RAD51B: variants seen among roughly 807,000 people sequenced by gnomAD.
RAD51B encodes RAD51 paralog B.
Under a neutral mutation model 42.2 loss-of-function variants are expected in RAD51B, and 38 were observed. The observed-to-expected ratio is 0.90, with a 90% CI of 0.70 to 1.18. The LOEUF (loss-of-function observed/expected upper bound fraction) is 1.18, where lower values mean the gene tolerates loss of function less well. Among genes scored for constraint, RAD51B ranks in the 50% most tolerant of loss-of-function variants. The probability of loss-of-function intolerance (pLI) is 0.00; values close to 1 mark genes in which losing one functional copy is unlikely to be tolerated. For synonymous variants in RAD51B, 154 were observed against 145.2 expected (o/e 1.06, Z -0.43); for missense variants, 373 against 400.7 (o/e 0.93, Z 0.59).
In RAD51B at chr14:68,456,869, A is replaced by ATTTTTTTTTTTT. The variant is rs71129889; in HGVS notation, c.958-11262_958-11251dup. 1.1e-4 allele frequency among the ~76,000 whole-genome samples: 7 copies of ATTTTTTTTTTTT among 66,460 alleles called. 1 individual carries two copies. Among genetic ancestry groups the ATTTTTTTTTTTT allele is most frequent in the Non-Finnish European group, 1.5e-4 (5 of 32,922 alleles). The allele number at this position is 66,460 out of a possible 152,430, so 43.6% of individuals were successfully genotyped here. On this transcript the variant is annotated intron_variant, in intron 9 of 10. Coordinates refer to ENST00000471583, the MANE Select transcript of RAD51B (RefSeq NM_133510.4). ...AAACTTCTCCAATCACAATGGAATG[A>ATTTTTTTTTTTT]TTTTTTTTTTTTTTTTTTTTTTTTT...
Position 67,992,754 on chromosome 14 carries a change from TG to T in RAD51B, c.756+105551del, listed in dbSNP as rs1416734175. ...TAACATAAGTATTTAGAAGGAAAAA[TG>T]TTTTTTTTTTCTAGGAAGCATTATT... is the stretch of plus-strand genomic sequence containing the variant. On this transcript the variant is annotated intron_variant, in intron 7 of 10. Coordinates refer to ENST00000471583, the MANE Select transcript of RAD51B (RefSeq NM_133510.4). Among the ~76,000 whole-genome samples the T allele has an allele frequency of 7.2e-5, 10 of 139,840 alleles. No individual in the cohort carries two copies. The East Asian group carries it at 7.9e-4, about 11-fold the overall frequency. 91.7% of individuals were successfully genotyped at this position (139,840 alleles called of 152,430 possible). A position where few individuals can be genotyped will look rare whatever the true frequency, so the allele number is the denominator to read the frequency against.
chr14:67,896,661 A>C (rs890776664), intron 7 of RAD51B, among the ~76,000 whole-genome samples: 1 of 152,210 alleles, frequency 6.6e-6, no homozygotes, highest in African/African-American at 2.4e-5. Flanking sequence ...TTTGAAATAG[A>C]ATATTGGCTG....
At chr14:67,897,596 C>T (rs1312449187) in intron 7 of RAD51B, among the ~76,000 whole-genome samples, 1 of 151,236 alleles carries the variant, frequency 6.6e-6, no homozygotes, top group Non-Finnish European at 1.5e-5. Flanking sequence ...TATTTAAAAA[C>T]CCACAAAAGA....
At chr14:68,479,192 G>C (rs186422940), downstream of RAD51B, among the ~76,000 whole-genome samples, 1 of 152,244 alleles carries the variant, frequency 6.6e-6, no homozygotes, top group Admixed American at 6.5e-5. Flanking sequence ...ATAGAATGTT[G>C]GTGAAAACCA....
intron 8 of RAD51B, chr14:68,339,375 G>A (rs549420245): frequency 3.0e-6 from 3 of 1,012,804 alleles, no homozygotes; most frequent in East Asian, 2.4e-5. Flanking sequence ...CACAAAGCGG[G>A]TGAGGTCTCT....
chr14:67,938,676 ACAGTTGAT>A (rs1281763524), intron 7 of RAD51B, among the ~76,000 whole-genome samples: 1 of 152,206 alleles, frequency 6.6e-6, no homozygotes, highest in Non-Finnish European at 1.5e-5. Context: ...TCAGTAGAAA[ACAGTTGAT>A]GTCTCAATGT....
intron 8 of RAD51B, among the ~76,000 whole-genome samples, chr14:68,371,575 G>A (rs539609160): frequency 5.9e-5 from 9 of 152,144 alleles, no homozygotes; most frequent in East Asian, 5.8e-4. Context: ...GTAAGTGACC[G>A]GGCGTGGTGG....
rs139791566 is a variant in RAD51B, at chr14:68,503,984, G to A, written c.1036+35734G>A. On this transcript the variant is annotated intron_variant, in intron 10 of 10. Coordinates refer to the RAD51B transcript ENST00000487270. ...AGTCGGTAGATAATAAAACTTCACG[G>A]TGGTGGTGTTGTCTTTCATCAAGAA... is the stretch of plus-strand genomic sequence containing the variant. 3.0e-4 allele frequency among the ~76,000 whole-genome samples: 45 copies of A among 152,328 alleles called. No individual in the cohort carries two copies. The East Asian group carries it at 6.9e-3, about 24-fold the overall frequency.
intron 10 of RAD51B, among the ~76,000 whole-genome samples, chr14:68,535,564 C>T (rs1319462619): frequency 6.6e-6 from 1 of 152,094 alleles, no homozygotes; most frequent in East Asian, 1.9e-4. Context: ...TACAGCAGGC[C>T]TTAGGATCAC....
At chr14:68,070,627 A>G (rs1303851307) in intron 7 of RAD51B, among the ~76,000 whole-genome samples, 1 of 152,004 alleles carries the variant, frequency 6.6e-6, no homozygotes, top group Non-Finnish European at 1.5e-5. Context: ...AACATGTTCC[A>G]TTTGCCTGTG....
chr14:68,156,455 T>TTC (rs10650896), intron 7 of RAD51B, among the ~76,000 whole-genome samples: 25,867 of 113,908 alleles, frequency 0.23, 3,145 homozygotes, highest in Middle Eastern at 0.3. Context: ...CTTAGAAAAT[T>TTC]TCTCTCTCTC....
chr14:68,092,578 A>G lies in RAD51B; in HGVS notation c.757-199306A>G, dbSNP rs1446908304. ...TCCTGAGACTTTGCTGAAGTTGCTTATCAGCTTAAGGAGATTTTGGGTTGC... is the reference window on the plus strand; with the variant it reads ...TCCTGAGACTTTGCTGAAGTTGCTTGTCAGCTTAAGGAGATTTTGGGTTGC... On this transcript the variant is annotated intron_variant, in intron 7 of 10. Coordinates refer to ENST00000471583, the MANE Select transcript of RAD51B (RefSeq NM_133510.4). Among the ~76,000 whole-genome samples the G allele has an allele frequency of 2.0e-5, 3 of 152,206 alleles. No homozygotes were observed. In the East Asian group the frequency reaches 5.8e-4, roughly 29 times the overall value.
chr14:68,541,354 A>G (rs1430455003), intron 10 of RAD51B: 3 of 985,356 alleles, frequency 3.0e-6, no homozygotes, highest in Non-Finnish European at 2.4e-6. Flanking sequence ...GCCCCTTTCC[A>G]GCAGGAGAAA....
rs185845363 is a variant in RAD51B, at chr14:68,173,091, A to G, written c.757-118793A>G. 2.6e-5 allele frequency among the ~76,000 whole-genome samples: 4 copies of G among 152,322 alleles called. No individual in the cohort carries two copies. In the East Asian group the frequency reaches 7.7e-4, roughly 29 times the overall value. On this transcript the variant is annotated intron_variant, in intron 7 of 10. Transcript: ENST00000471583. ...GTATCATTTTTAAATTTTACAGGTG[A>G]AGAAGTAGAACTCAGAGAAGTTTTA...
chr14:67,939,675 T>C (rs1174003663), intron 7 of RAD51B, among the ~76,000 whole-genome samples: 1 of 152,102 alleles, frequency 6.6e-6, no homozygotes, highest in Non-Finnish European at 1.5e-5. Flanking sequence ...TTCTGAAGGC[T>C]GGAAGTCTGA....
At chr14:68,091,452 A>G (rs1012436956) in intron 7 of RAD51B, among the ~76,000 whole-genome samples, 8 of 152,288 alleles carry the variant, frequency 5.3e-5, no homozygotes, top group African/African-American at 1.4e-4. Context: ...CTGATGGCCA[A>G]TGATGATGAG....
chr14:68,045,941 C>G (rs1156627279), intron 7 of RAD51B, among the ~76,000 whole-genome samples: 1 of 152,018 alleles, frequency 6.6e-6, no homozygotes, highest in Non-Finnish European at 1.5e-5. Context: ...CAGAAGCATT[C>G]CTCAGTCTTT....
intron 7 of RAD51B, among the ~76,000 whole-genome samples, chr14:68,056,173 T>G (rs2076471075): frequency 6.6e-6 from 1 of 152,120 alleles, no homozygotes; most frequent in African/African-American, 2.4e-5. Flanking sequence ...TTTGTTTTGT[T>G]TTTGAGACAG....
chr14:67,900,819 A>G (rs1159733412), intron 7 of RAD51B, among the ~76,000 whole-genome samples: 1 of 152,124 alleles, frequency 6.6e-6, no homozygotes, highest in Non-Finnish European at 1.5e-5. Context: ...TATATCTGAT[A>G]CCATATTGTA....
Sources: allele counts gnomAD v4.1 joint callset (sites outside exome capture counted in the v4.1 genomes callset), GRCh38; gene constraint gnomAD v4.1.1; transcripts MANE v1.5; gene names NCBI Gene and HGNC (gene_info 2026-07-23, HGNC 2026-07-21).